The following AGBL4 variants were observed in gnomAD, a reference collection of about 807,000 sequenced individuals.
The protein encoded by AGBL4 is cytosolic carboxypeptidase 6.
A neutral mutation model predicts 66.4 loss-of-function variants in AGBL4; 58 were observed. The observed-to-expected ratio is 0.87, with a 90% CI of 0.71 to 1.09. The LOEUF (loss-of-function observed/expected upper bound fraction) is 1.09. Among genes scored for constraint, AGBL4 ranks in the 50% least tolerant of loss-of-function variants. AGBL4 has a pLI of 0.00. For missense variants in AGBL4, 579 were observed against 631.0 expected (o/e 0.92, Z 0.88); for synonymous variants, 234 against 222.9 (o/e 1.05, Z -0.44).
chr1:49,808,178 A>G (rs905052858), intron 2 of AGBL4, among the ~76,000 whole-genome samples: 3 of 152,208 alleles, frequency 2.0e-5, no homozygotes, highest in Non-Finnish European at 4.4e-5. Context: ...CACAGATGCA[A>G]GGAAGCTGGT....
At chr1:49,727,006 G>A (rs1276976573) in intron 2 of AGBL4, among the ~76,000 whole-genome samples, 1 of 152,064 alleles carries the variant, frequency 6.6e-6, no homozygotes, top group Non-Finnish European at 1.5e-5. Context: ...AATACCATGA[G>A]TTACCCAAGT....
At chr1:49,666,363 C>T (rs566760285) in intron 3 of AGBL4, among the ~76,000 whole-genome samples, 64 of 152,062 alleles carry the variant, frequency 4.2e-4, no homozygotes, top group African/African-American at 1.4e-3. Context: ...TCAGGTGTTG[C>T]GAGACCAGCC....
chr1:48,592,855 A>T (rs555361495), intron 9 of AGBL4, among the ~76,000 whole-genome samples: 1 of 152,026 alleles, frequency 6.6e-6, no homozygotes, highest in Non-Finnish European at 1.5e-5. Context: ...TTACTTTTAA[A>T]TTTTTTTGAA....
intron 9 of AGBL4, among the ~76,000 whole-genome samples, chr1:48,592,834 T>C (rs1644938856): frequency 6.6e-6 from 1 of 152,156 alleles, no homozygotes; most frequent in Admixed American, 6.5e-5. Context: ...AATTAGAACC[T>C]AGCTTTTCTT....
intron 6 of AGBL4, among the ~76,000 whole-genome samples, chr1:48,796,007 G>C (rs2148736099): frequency 6.6e-6 from 1 of 151,980 alleles, no homozygotes; most frequent in East Asian, 1.9e-4. Flanking sequence ...TCACCATCAA[G>C]ATATAGCACA....
At chr1:48,860,855 TA>T (rs1377388604) in intron 6 of AGBL4, among the ~76,000 whole-genome samples, 3 of 152,198 alleles carry the variant, frequency 2.0e-5, no homozygotes, top group Non-Finnish European at 4.4e-5. Context: ...TCTTACAAAT[TA>T]AAATTTCAAA....
At chr1:49,109,574 T>G (rs764241152) in intron 4 of AGBL4, among the ~76,000 whole-genome samples, 2 of 152,236 alleles carry the variant, frequency 1.3e-5, no homozygotes, top group South Asian at 2.1e-4. Context: ...AATTAATATA[T>G]GTTAGTATTT....
At chr1:48,883,029 A>C (rs1474130351) in intron 5 of AGBL4, among the ~76,000 whole-genome samples, 1 of 152,190 alleles carries the variant, frequency 6.6e-6, no homozygotes, top group East Asian at 1.9e-4. Context: ...ATGGACACTT[A>C]GGTTGATTAC....
At chr1:49,289,213 T>C (rs955026356) in intron 3 of AGBL4, among the ~76,000 whole-genome samples, 9 of 152,160 alleles carry the variant, frequency 5.9e-5, no homozygotes, top group African/African-American at 2.2e-4. Context: ...ATTAAAAATA[T>C]AATAACTGAA....
rs534239966 is a variant in AGBL4 at position 49,734,255 on chromosome 1, G to A, written c.158-36818C>T. Among the ~76,000 whole-genome samples, 20 of 151,946 alleles carry A rather than the reference G, an allele frequency of 1.3e-4. No homozygotes were observed. In the East Asian group the frequency reaches 3.1e-3, roughly 24 times the overall value. Reference sequence around the variant, plus strand: ...TCTTGCTATTAATATTAGAATGGAGGTTATAACTAGTGCCATGGAGAGGGG... The same window carrying A: ...TCTTGCTATTAATATTAGAATGGAGATTATAACTAGTGCCATGGAGAGGGG... On this transcript the variant is annotated intron_variant, in intron 2 of 13. Coordinates refer to ENST00000371839, the MANE Select transcript of AGBL4 (RefSeq NM_032785.4).
intron 4 of AGBL4, chr1:49,187,453 G>A (rs905672568): frequency 1.4e-4 from 21 of 152,106 alleles, no homozygotes; most frequent in African/African-American, 4.3e-4. Context: ...ATATACATAT[G>A]CGGAGACACA....
At chr1:49,251,574 A>G (rs1471394959) in intron 3 of AGBL4, among the ~76,000 whole-genome samples, 1 of 152,116 alleles carries the variant, frequency 6.6e-6, no homozygotes, top group Non-Finnish European at 1.5e-5. Flanking sequence ...ACCACCTCCA[A>G]TGCAACCATG....
intron 1 of AGBL4, among the ~76,000 whole-genome samples, chr1:49,912,958 T>G (rs1440786135): frequency 1.3e-5 from 2 of 152,244 alleles, no homozygotes; most frequent in Admixed American, 1.3e-4. Context: ...TAATCACCTC[T>G]TAATGGTCCC....
At chr1:49,992,124 C>T (rs576085489) in intron 1 of AGBL4, among the ~76,000 whole-genome samples, 1 of 152,166 alleles carries the variant, frequency 6.6e-6, no homozygotes, top group African/African-American at 2.4e-5. Context: ...GTAATCCCAG[C>T]ACTTTGGGAG....
At chr1:48,570,593 A>G (rs1170498853) in intron 11 of AGBL4, among the ~76,000 whole-genome samples, 2 of 152,084 alleles carry the variant, frequency 1.3e-5, no homozygotes, top group East Asian at 1.9e-4. Context: ...TAACGCTGCC[A>G]TGAGAATTAA....
At position 48,736,566 on chromosome 1, in the gene AGBL4, T is replaced by C; in HGVS notation, c.635-73325A>G. 1 of 923,356 alleles carries C rather than the reference T, an allele frequency of 1.1e-6. No individual in the cohort carries two copies. Among genetic ancestry groups the C allele is most frequent in the Non-Finnish European group, 1.7e-6 (1 of 596,938 alleles). The allele number at this position is 923,356 out of a possible 1,614,324, so 57.2% of individuals were successfully genotyped here. A position where few individuals can be genotyped will look rare whatever the true frequency, so the allele number is the denominator to read the frequency against. On this transcript the variant is annotated intron_variant, in intron 6 of 13. Transcript: ENST00000371839. The surrounding 1 kb of genome is among the most constrained non-coding windows in gnomAD (Gnocchi z 4.0). ...AACTGTAAGAGATTCATGTCATAAATATGAAATTAACTCTCTTTAAGGGTA... is the reference window on the plus strand; with the variant it reads ...AACTGTAAGAGATTCATGTCATAAACATGAAATTAACTCTCTTTAAGGGTA...
intron 4 of AGBL4, among the ~76,000 whole-genome samples, chr1:49,159,969 T>A (rs1319795081): frequency 6.6e-6 from 1 of 152,202 alleles, no homozygotes; most frequent in Non-Finnish European, 1.5e-5. Flanking sequence ...TTGTCTAACC[T>A]CTTTTCAAGC....
At chr1:48,716,236 T>G (rs1647048468) in intron 6 of AGBL4, among the ~76,000 whole-genome samples, 1 of 152,206 alleles carries the variant, frequency 6.6e-6, no homozygotes, top group Non-Finnish European at 1.5e-5. Flanking sequence ...AAACGCATCA[T>G]GTTGCCACAC....
intron 1 of AGBL4, among the ~76,000 whole-genome samples, chr1:49,862,127 C>T (rs1254917374): frequency 9.2e-5 from 14 of 151,978 alleles, no homozygotes; most frequent in Non-Finnish European, 1.9e-4. Context: ...GTTGAGGTAA[C>T]TCAAAGAAAT....
Sources: gnomAD v4.1 joint callset for allele counts (sites outside exome capture counted in the v4.1 genomes callset) on GRCh38, gnomAD v4.1.1 for gene constraint, Gnocchi (gnomAD v3.1) non-coding constraint, MANE v1.5 for transcripts, NCBI Gene and HGNC (gene_info 2026-07-23, HGNC 2026-07-21) for gene names.